The following ASAP1 variants were observed in gnomAD, a reference collection of about 807,000 sequenced individuals.
ASAP1 encodes arf-GAP with SH3 domain, ANK repeat and PH domain-containing protein 1.
Under a neutral mutation model 145.2 loss-of-function variants are expected in ASAP1, and 43 were observed. The ratio of observed to expected loss-of-function variants is 0.30; its 90% CI spans 0.23 to 0.38. ASAP1 has a LOEUF of 0.38. Ranked by LOEUF, ASAP1 falls within the 10% of genes least tolerant of loss-of-function variation. The pLI is 1.00. For missense variants in ASAP1, 1,018 were observed against 1,355.3 expected (o/e 0.75, Z 3.91); for synonymous variants, 546 against 515.5 (o/e 1.06, Z -0.80).
At chr8:130,118,819 A>C in intron 18 of ASAP1, 144 bp from the exon 19 acceptor site, 1 of 498,200 alleles carries the variant, frequency 2.0e-6, no homozygotes, top group Non-Finnish European at 3.4e-6. Context: ...TTTTAGACCA[A>C]ATTACTCCAA....
intron 1 of ASAP1, among the ~76,000 whole-genome samples, chr8:130,443,171 C>T (rs1210936125): frequency 6.6e-6 from 1 of 152,008 alleles, no homozygotes; most frequent in East Asian, 1.9e-4. Context: ...CGTCCCCGGC[C>T]CCACTGCAGG....
At chr8:130,388,103 G>T (rs1203365558) in intron 2 of ASAP1, among the ~76,000 whole-genome samples, 1 of 152,230 alleles carries the variant, frequency 6.6e-6, no homozygotes, top group Admixed American at 6.5e-5. Flanking sequence ...CATGGAGTGG[G>T]GGACAGGAGG....
chr8:130,153,333 ATATATATATATATATATATATATATG>A (rs202172988), intron 12 of ASAP1, among the ~76,000 whole-genome samples: 21,202 of 59,964 alleles, frequency 0.35, 2,309 homozygotes, highest in East Asian at 0.52. Context: ...TGCTTTTTAA[ATATATATATATATATATATATATATG>A]TATATATATA....
chr8:130,243,283 C>T (rs1476495699), intron 3 of ASAP1, among the ~76,000 whole-genome samples: 3 of 152,128 alleles, frequency 2.0e-5, no homozygotes, highest in Non-Finnish European at 4.4e-5. Flanking sequence ...TTCCACTCTA[C>T]CTTATTTTTT....
At chr8:130,135,634 G>C (rs1044286580) in intron 14 of ASAP1, among the ~76,000 whole-genome samples, 4 of 152,210 alleles carry the variant, frequency 2.6e-5, no homozygotes, top group Non-Finnish European at 5.9e-5. Flanking sequence ...TGGAGTCTGA[G>C]TTTTTTCTTC....
At chr8:130,373,849 G>GAAA (rs1170269915) in intron 2 of ASAP1, among the ~76,000 whole-genome samples, 27 of 50,612 alleles carry the variant, frequency 5.3e-4, no homozygotes, top group African/African-American at 1.1e-3. Context: ...GGAGTCTCCA[G>GAAA]AAAAAAAAAA....
At chr8:130,428,439 CCACCACCATCATTATCACCAT>C (rs1830012185) in intron 1 of ASAP1, among the ~76,000 whole-genome samples, 1 of 111,518 alleles carries the variant, frequency 9.0e-6, no homozygotes, top group Non-Finnish European at 1.9e-5. Flanking sequence ...ATCATCACCA[CCACCACCATCATTATCACCAT>C]CATCATCACC....
At chr8:130,435,608 AAAG>A (rs1221289404) in intron 1 of ASAP1, among the ~76,000 whole-genome samples, 3 of 152,214 alleles carry the variant, frequency 2.0e-5, no homozygotes, top group South Asian at 2.1e-4. Context: ...CTGGTCTGAA[AAAG>A]AAGACTGAAT....
intron 18 of ASAP1, 92 bp downstream of exon 18, chr8:130,123,921 C>T: frequency 1.0e-6 from 1 of 965,814 alleles, no homozygotes; most frequent in Non-Finnish European, 1.6e-6. Flanking sequence ...AGCCACTGCA[C>T]CCAGCCAAAA....
At chr8:130,269,347 T>C (rs1027021507) in intron 3 of ASAP1, among the ~76,000 whole-genome samples, 1 of 152,144 alleles carries the variant, frequency 6.6e-6, no homozygotes, top group Admixed American at 6.5e-5. Flanking sequence ...CCAAGTAAAA[T>C]AGCCATTCTG....
rs546125460 is a variant in ASAP1, at chr8:130,430,144, G to C, written c.-28+13316C>G. Reference sequence around the variant, plus strand: ...CAAAGACAACTCAAAAAAGCTTCTCGAATTTAGCAAAAGAGAGATTGTCAA... The same window carrying C: ...CAAAGACAACTCAAAAAAGCTTCTCCAATTTAGCAAAAGAGAGATTGTCAA... On this transcript the variant is annotated intron_variant, in intron 1 of 29. Transcript: ENST00000518721. Among the ~76,000 whole-genome samples the C allele has an allele frequency of 2.0e-5, 3 of 152,148 alleles. No homozygotes were observed. In the South Asian group the frequency reaches 6.2e-4, roughly 32 times the overall value.
chr8:130,275,407 T>C (rs1402653116), intron 3 of ASAP1, among the ~76,000 whole-genome samples: 1 of 152,228 alleles, frequency 6.6e-6, no homozygotes, highest in African/African-American at 2.4e-5. Context: ...TTACGTACTT[T>C]CAGATGGATG....
At chr8:130,167,711 CTATTATAT>C in intron 10 of ASAP1, 89 bp from the exon 11 acceptor site, 4 of 933,572 alleles carry the variant, frequency 4.3e-6, no homozygotes, top group Non-Finnish European at 6.8e-6. Flanking sequence ...CATCAAAATT[CTATTATAT>C]ATTTGGTTTT....
intron 25 of ASAP1, among the ~76,000 whole-genome samples, chr8:130,087,244 G>A (rs141796531): frequency 6.6e-6 from 1 of 152,160 alleles, no homozygotes; most frequent in East Asian, 1.9e-4. Flanking sequence ...GGTGGGCCAA[G>A]TTCGGTGGCT....
chr8:130,337,452 G>C (rs759975873), intron 3 of ASAP1, among the ~76,000 whole-genome samples: 39 of 152,304 alleles, frequency 2.6e-4, no homozygotes, highest in East Asian at 1.3e-3. Context: ...ACACTGCAAA[G>C]AGAGCCCTGT....
intron 1 of ASAP1, among the ~76,000 whole-genome samples, chr8:130,442,932 C>T (rs1830535818): frequency 2.0e-5 from 3 of 152,160 alleles, no homozygotes; most frequent in Admixed American, 1.3e-4. Flanking sequence ...CCAAGTAGGA[C>T]TCCCCCCACC....
At chr8:130,320,853 C>T (rs1368656231) in intron 3 of ASAP1, among the ~76,000 whole-genome samples, 2 of 152,150 alleles carry the variant, frequency 1.3e-5, no homozygotes, top group Non-Finnish European at 2.9e-5. Context: ...ACATCAACAC[C>T]ATTGCCCTAG....
intron 7 of ASAP1, among the ~76,000 whole-genome samples, chr8:130,183,659 ATT>A (rs1001520269): frequency 3.3e-5 from 5 of 152,120 alleles, no homozygotes; most frequent in Non-Finnish European, 5.9e-5. Context: ...TAAAATCAGT[ATT>A]TTATACTGAT....
chr8:130,374,718 GA>G (rs1363461119), intron 2 of ASAP1, among the ~76,000 whole-genome samples: 3 of 152,234 alleles, frequency 2.0e-5, no homozygotes, highest in African/African-American at 7.2e-5. Flanking sequence ...AAGTGTGTCT[GA>G]ATCCTGACCT....
Sources: gnomAD v4.1 joint callset for allele counts (sites outside exome capture counted in the v4.1 genomes callset) on GRCh38, gnomAD v4.1.1 for gene constraint, MANE v1.5 for transcripts, NCBI Gene and HGNC (gene_info 2026-07-23, HGNC 2026-07-21) for gene names.